FBN3: variants seen among roughly 807,000 people sequenced by gnomAD.
FBN3 encodes the protein fibrillin 3.
In FBN3, 234 loss-of-function variants were observed where a neutral mutation model predicts 330.1. The observed-to-expected ratio is 0.71, with a 90% CI of 0.64 to 0.79. FBN3 has a LOEUF of 0.79. FBN3 is among the 30% of genes least tolerant of loss of function. The pLI is 0.00. For missense variants in FBN3, 3,606 were observed against 3,886.9 expected (o/e 0.93, Z 1.92); for synonymous variants, 1,458 against 1,517.3 (o/e 0.96, Z 0.91).
At chr19:8,116,882 G>A (rs1015281391) in intron 28 of FBN3, 83 bp from the exon 29 acceptor site, 33 of 1,512,292 alleles carry the variant, frequency 2.2e-5, no homozygotes, top group South Asian at 5.0e-5. Flanking sequence ...GCCCCAGGAC[G>A]ACCTGTAGCC....
At chr19:8,077,225 A>T (rs999318413) in intron 59 of FBN3, among the ~76,000 whole-genome samples, 2 of 152,204 alleles carry the variant, frequency 1.3e-5, no homozygotes. Flanking sequence ...CATGGCTGGT[A>T]TACTGCATTT....
chr19:8,112,929 A>C (rs2082623407), intron 30 of FBN3, among the ~76,000 whole-genome samples: 1 of 152,248 alleles, frequency 6.6e-6, no homozygotes, highest in African/African-American at 2.4e-5. Flanking sequence ...GTTATGTAAC[A>C]CTTGTTTCTA....
chr19:8,143,497 C>CTTTTTTTTTTTTT (rs557671451), intron 6 of FBN3, among the ~76,000 whole-genome samples: 5 of 126,100 alleles, frequency 4.0e-5, no homozygotes, highest in South Asian at 2.4e-4. Flanking sequence ...CTTTTCTTTT[C>CTTTTTTTTTTTTT]TTTTTTTTTT....
intron 8 of FBN3, among the ~76,000 whole-genome samples, chr19:8,141,351 G>A (rs2083409379): frequency 7.1e-6 from 1 of 141,706 alleles, no homozygotes; most frequent in African/African-American, 2.7e-5. Context: ...GGGTAACAGA[G>A]TGAGACTCTG....
chr19:8,072,413 G>C (rs1378101868), intron 62 of FBN3, among the ~76,000 whole-genome samples: 1 of 152,200 alleles, frequency 6.6e-6, no homozygotes. Flanking sequence ...TTTGGGCATA[G>C]GTGTGAACAC....
intron 51 of FBN3, 92 bp downstream of exon 51, chr19:8,089,453 C>T (rs1005542073): frequency 1.4e-6 from 2 of 1,460,628 alleles, no homozygotes; most frequent in Middle Eastern, 1.9e-4. Flanking sequence ...AGGATCTCAC[C>T]CACTGCCTGG....
At chr19:8,086,610 C>A (rs2081967373) in intron 54 of FBN3, among the ~76,000 whole-genome samples, 1 of 135,532 alleles carries the variant, frequency 7.4e-6, no homozygotes, top group African/African-American at 2.9e-5. Context: ...GTGCCCGCCG[C>A]CACGCCCAGC....
In FBN3 at chr19:8,145,867, A is replaced by G. The variant is rs1299432675; in HGVS notation, c.421T>C (p.Tyr141His). The G allele has an allele frequency of 4.5e-6, 7 of 1,551,098 alleles. No individual in the cohort carries two copies. The highest frequency in any genetic ancestry group is 6.1e-6 in the Non-Finnish European group (7 of 1,146,878). ...RGASCLCQKG[Y>H]TGTVCGQPIC... ...CGCTGCCCACACACGGTGCCTGTGT[A>G]GCCCTTCTGACACAGACAGGACGCC... Residue 141 changes from tyrosine (Y) to histidine (H), a missense_variant, in exon 5 of 64, where the codon TAC becomes CAC. Tyr to His is a moderately conservative substitution (Grantham distance 83). Coordinates refer to ENST00000600128, the MANE Select transcript of FBN3 (RefSeq NM_032447.5).
chr19:8,142,434 C>T (rs2083438498), intron 6 of FBN3, among the ~76,000 whole-genome samples: 1 of 152,132 alleles, frequency 6.6e-6, no homozygotes, highest in African/African-American at 2.4e-5. Context: ...GGACTCCTTC[C>T]CCAGGCCTAT....
At chr19:8,135,508 C>CCTCAGGTGATCCACCCAG (rs1332850277) in intron 13 of FBN3, among the ~76,000 whole-genome samples, 10 of 151,052 alleles carry the variant, frequency 6.6e-5, no homozygotes, top group African/African-American at 2.2e-4. Context: ...GAACTCCTGA[C>CCTCAGGTGATCCACCCAG]CTCGGCCTCC....
Position 8,072,054 on chromosome 19 carries a change from G to A in FBN3, c.8082C>T (p.Asp2694=), listed in dbSNP as rs1411218827. 1.9e-6 allele frequency: 3 copies of A among 1,611,728 alleles called. No individual in the cohort carries two copies. The highest frequency in any genetic ancestry group is 2.5e-6 in the Non-Finnish European group (3 of 1,179,616). ...AGTGCAGCACCCATGTCACCTGGTG[G>A]TCCCTGTGGGCACTGCGTCGTGGCC... is the stretch of plus-strand genomic sequence containing the variant. ...RDRPRRSAHR[D]HQVNLATLDS... is the part of the protein sequence containing the mutation. Residue 2694 remains aspartate (D), a synonymous_variant, in exon 63 of 64, where the codon GAC becomes GAT. Coordinates refer to ENST00000600128, the MANE Select transcript of FBN3 (RefSeq NM_032447.5).
chr19:8,117,963 C>G (rs1305788400), intron 26 of FBN3, among the ~76,000 whole-genome samples: 1 of 152,010 alleles, frequency 6.6e-6, no homozygotes, highest in Non-Finnish European at 1.5e-5. Flanking sequence ...CAAATACACT[C>G]ACCCATGTGT....
chr19:8,116,770 C>T lies in FBN3; in HGVS notation c.3616G>A (p.Val1206Ile), dbSNP rs747241812. The change falls in exon 29 of 64, where the codon GTT (valine) becomes ATT (isoleucine). Residue 1206 changes from valine to isoleucine, a missense_variant. Transcript: ENST00000600128. ...DVDECEENPR[V>I]CDQGHCTNMP... ...TTGGTGCAGTGGCCTTGGTCACAAA[C>T]GCGGGGGTTCTCTTCACACTCGTCC... is the stretch of plus-strand genomic sequence containing the variant. 1.4e-5 allele frequency: 23 copies of T among 1,614,000 alleles called. No individual in the cohort carries two copies. In the African/African-American group the frequency reaches 2.0e-4, roughly 14 times the overall value.
intron 29 of FBN3, 106 bp from the exon 30 acceptor site, chr19:8,115,746 C>T: frequency 1.1e-5 from 14 of 1,308,504 alleles, no homozygotes; most frequent in Admixed American, 1.9e-5. Context: ...ACTGTCCCGC[C>T]GCACAGGTCC....
chr19:8,096,166 T>A lies in FBN3; in HGVS notation c.5540-86A>T. ...GTGAGAGGCCAGCTGGACCTAGCAC[T>A]CCTCCCCTGCACCTAGCCCTGCCTA... On this transcript the variant is annotated intron_variant, in intron 44 of 63. Transcript: ENST00000600128. This position sits in a 1 kb window ranked among gnomAD's most constrained non-coding sequence, Gnocchi z 4.6. The A allele has an allele frequency of 1.9e-6, 2 of 1,045,862 alleles. No individual in the cohort carries two copies. Among genetic ancestry groups the A allele is most frequent in the East Asian group, 4.7e-5 (2 of 42,212 alleles). 64.8% of individuals were successfully genotyped at this position (1,045,862 alleles called of 1,614,324 possible).
intron 54 of FBN3, among the ~76,000 whole-genome samples, chr19:8,086,545 C>T (rs1441010934): frequency 6.6e-6 from 1 of 151,048 alleles, no homozygotes; most frequent in South Asian, 2.1e-4. Flanking sequence ...CAACGTCCAC[C>T]TCCCGGGTTC....
intron 13 of FBN3, among the ~76,000 whole-genome samples, chr19:8,134,754 T>C (rs981330965): frequency 2.6e-5 from 4 of 150,996 alleles, no homozygotes; most frequent in East Asian, 1.9e-4. Flanking sequence ...GCCAACATGG[T>C]GAAACCCCAT....
chr19:8,130,604 GAAA>G lies in FBN3; in HGVS notation c.2044+628_2044+630del, dbSNP rs1481799886. Among the ~76,000 whole-genome samples, 22 of 9,390 alleles carry G rather than the reference GAAA, an allele frequency of 2.3e-3. 3 individuals are homozygous for G. The highest frequency in any genetic ancestry group is 0.042 in the Middle Eastern group (1 of 24). 6.2% of individuals were successfully genotyped at this position (9,390 alleles called of 152,430 possible). A position where few individuals can be genotyped will look rare whatever the true frequency, so the allele number is the denominator to read the frequency against. On this transcript the variant is annotated intron_variant, in intron 16 of 63. Transcript: ENST00000600128. ...AGAATGAAAGAAAGAAAGAAAGAAA[GAAA>G]GAAAGAAAGAAAGAAAGAAAGAAAG...
At chr19:8,126,951 A>G in intron 18 of FBN3, 119 bp from the exon 19 acceptor site, 1 of 1,150,564 alleles carries the variant, frequency 8.7e-7, no homozygotes, top group Non-Finnish European at 1.2e-6. Context: ...CCAGATGCAC[A>G]AGCATGCAGA....
Sources: allele counts gnomAD v4.1 joint callset (sites outside exome capture counted in the v4.1 genomes callset), GRCh38; gene constraint gnomAD v4.1.1; non-coding constraint Gnocchi (gnomAD v3.1); transcripts MANE v1.5; gene names NCBI Gene and HGNC (gene_info 2026-07-23, HGNC 2026-07-21).